Variants in MED13 observed in about 807,000 individuals in gnomAD.
MED13 encodes mediator complex subunit 13, also known as mediator of RNA polymerase II transcription subunit 13.
MED13 carries 23 observed loss-of-function variants against 225.2 expected under a neutral mutation model. The ratio of observed to expected loss-of-function variants is 0.10; its 90% CI spans 0.07 to 0.14. The LOEUF (loss-of-function observed/expected upper bound fraction) is 0.14. MED13 is among the 10% of genes least tolerant of loss of function. The pLI is 1.00. For missense variants in MED13, 2,197 were observed against 2,594.5 expected, an observed-to-expected ratio of 0.85 and a Z score of 3.33; for synonymous variants, 942 against 889.2, an observed-to-expected ratio of 1.06 and a Z score of -1.06.
Position 62,035,474 on chromosome 17 carries a change from C to A in MED13, c.605G>T (p.Ser202Ile). ...ATAAAATAATCTACCTTGAAATGGG[C>A]TATTAGACTGTTGAGCAAGGGTGAT... ...EHITLAQQSN[S>I]PFQVILCPFG... Residue 202 changes from serine (S) to isoleucine (I), a missense_variant, in exon 4 of 30, where the codon AGC becomes ATC. By Grantham distance (142) the Ser-to-Ile change is moderately radical (BLOSUM62 -2). Around this residue, in one of 12 missense-constraint regions of MED13, gnomAD observed 884 missense variants for 918.5 expected, o/e 0.96. Coordinates refer to ENST00000397786, the MANE Select transcript of MED13 (RefSeq NM_005121.3). The A allele has an allele frequency of 6.2e-7, 1 of 1,608,806 alleles. No homozygotes were observed. The highest frequency in any genetic ancestry group is 8.5e-7 in the Non-Finnish European group (1 of 1,177,564).
chr17:62,034,517 A>G (rs1436398647), intron 4 of MED13, among the ~76,000 whole-genome samples: 1 of 151,806 alleles, frequency 6.6e-6, no homozygotes, highest in Non-Finnish European at 1.5e-5. Flanking sequence ...TTGTCTGCCC[A>G]AACTCTTAAG....
intron 3 of MED13, among the ~76,000 whole-genome samples, chr17:62,039,179 C>T (rs555673484): frequency 6.6e-6 from 1 of 152,296 alleles, no homozygotes; most frequent in African/African-American, 2.4e-5. Context: ...GAATCACTAC[C>T]TCCTATACTG....
At chr17:61,985,356 G>T (rs1336346878) in intron 12 of MED13, among the ~76,000 whole-genome samples, 1 of 152,130 alleles carries the variant, frequency 6.6e-6, no homozygotes, top group East Asian at 1.9e-4. Context: ...ATACACAGAA[G>T]TAAGGTTAAC....
In MED13 at chr17:61,945,747, A is replaced by G. The variant is rs2079847343; in HGVS notation, c.*721T>C. ...TACATGTACTCTGCAACTACAGCTT[A>G]GCTGTAAATCCTCCACACACAATGG... On this transcript the variant is annotated 3_prime_UTR_variant, in exon 30 of 30. Coordinates refer to ENST00000397786, the MANE Select transcript of MED13 (RefSeq NM_005121.3). The G allele has an allele frequency of 6.6e-6, 1 of 152,646 alleles. No homozygotes were observed. The highest frequency in any genetic ancestry group is 1.5e-5 in the Non-Finnish European group (1 of 68,054). The allele number at this position is 152,646 out of a possible 1,614,324, so 9.5% of individuals were successfully genotyped here. A position where few individuals can be genotyped will look rare whatever the true frequency, so the allele number is the denominator to read the frequency against.
intron 9 of MED13, among the ~76,000 whole-genome samples, chr17:61,997,262 A>T (rs1239396127): frequency 6.6e-6 from 1 of 152,220 alleles, no homozygotes; most frequent in Non-Finnish European, 1.5e-5. Flanking sequence ...GCTCAAATAC[A>T]TATCATTATT....
Position 62,029,927 on chromosome 17 carries a change from T to G in MED13, c.1096A>C (p.Lys366Gln), listed in dbSNP as rs770939635. ...TGATTTGCTAATTTTCTGGGTATTT[T>G]CCCACCATGGTGGCTAGTACTATCG... Reference protein sequence around the residue: ...NSDSTSHHGGKIPRKLANHVV... With the variant: ...NSDSTSHHGGQIPRKLANHVV... The change falls in exon 7 of 30, where the codon AAA becomes CAA. Residue 366 changes from lysine to glutamine, a missense_variant. Coordinates refer to ENST00000397786, the MANE Select transcript of MED13 (RefSeq NM_005121.3). 1 of 1,614,090 alleles carries G rather than the reference T, an allele frequency of 6.2e-7. No homozygotes were observed. Among genetic ancestry groups the G allele is most frequent in the Admixed American group, 1.7e-5 (1 of 59,974 alleles).
chr17:61,988,230 C>T (rs1445235727), intron 11 of MED13, among the ~76,000 whole-genome samples: 1 of 152,100 alleles, frequency 6.6e-6, no homozygotes, highest in Non-Finnish European at 1.5e-5. Context: ...TAATGTGCTT[C>T]GCCCAGTACT....
chr17:62,000,954 G>C (rs991238806), intron 9 of MED13, among the ~76,000 whole-genome samples: 2 of 152,008 alleles, frequency 1.3e-5, no homozygotes, highest in Non-Finnish European at 2.9e-5. Context: ...AGTAGAGACA[G>C]GGTTTCACCA....
At chr17:62,024,851 C>G (rs537342305) in intron 8 of MED13, among the ~76,000 whole-genome samples, 10 of 152,234 alleles carry the variant, frequency 6.6e-5, no homozygotes, top group Admixed American at 6.5e-4. Context: ...CATGTTCCTG[C>G]AGAAGACATG....
At position 62,017,700 on chromosome 17, in the gene MED13, A is replaced by G. The variant is rs1341315060; in HGVS notation, c.1284-6467T>C. ...AGTAGTAGTCACTGCTTTCTCCACC[A>G]CCACACATTCAGTTTGTTGTTTTTT... is the stretch of plus-strand genomic sequence containing the variant. On this transcript the variant is annotated intron_variant, in intron 8 of 29. Coordinates refer to ENST00000397786, the MANE Select transcript of MED13 (RefSeq NM_005121.3). Among the ~76,000 whole-genome samples, 5 of 152,190 alleles carry G rather than the reference A, an allele frequency of 3.3e-5. No individual in the cohort carries two copies. In the South Asian group the frequency reaches 6.2e-4, roughly 19 times the overall value.
intron 16 of MED13, among the ~76,000 whole-genome samples, chr17:61,977,029 T>C (rs912374859): frequency 2.0e-5 from 3 of 152,376 alleles, no homozygotes; most frequent in Admixed American, 1.3e-4. Context: ...TCTTTCAAGA[T>C]GTTAAAACTA....
intron 9 of MED13, chr17:62,005,785 C>G (rs1396764130): frequency 2.6e-5 from 4 of 152,350 alleles, no homozygotes; most frequent in Admixed American, 2.6e-4. Context: ...TGGCTATTCA[C>G]AGGTGCAATC....
At chr17:62,039,330 T>C (rs907800913) in intron 3 of MED13, among the ~76,000 whole-genome samples, 17 of 152,224 alleles carry the variant, frequency 1.1e-4, no homozygotes, top group African/African-American at 3.9e-4. Context: ...TTGCCCAAGA[T>C]GGAGTGCAGT....
intron 8 of MED13, among the ~76,000 whole-genome samples, chr17:62,014,026 G>A (rs368745446): frequency 1.3e-5 from 2 of 151,952 alleles, no homozygotes; most frequent in South Asian, 2.1e-4. Context: ...GCGACATAGC[G>A]AGACTCTGTC....
rs2080229403 is a variant in MED13 at position 61,984,250 on chromosome 17, A to G, written c.2809T>C (p.Cys937Arg). 1 of 1,611,446 alleles carries G rather than the reference A, an allele frequency of 6.2e-7. No homozygotes were observed. Among genetic ancestry groups the G allele is most frequent in the Non-Finnish European group, 8.5e-7 (1 of 1,179,062 alleles). The change falls in exon 15 of 30, where the codon TGT becomes CGT. Residue 937 changes from cysteine (C) to arginine (R), a missense_variant. Physicochemically the swap from Cys to Arg is radical, Grantham distance 180. Coordinates refer to ENST00000397786, the MANE Select transcript of MED13 (RefSeq NM_005121.3). ...ACAGTCCAACTCTGACGGTAAATAC[A>G]CTCTTCTGGCAATTTGATAGGGGGC... ...YLPPIKLPEE[C>R]IYRQSWTVGK...
intron 10 of MED13, among the ~76,000 whole-genome samples, chr17:61,993,948 C>A (rs1487391018): frequency 4.6e-4 from 66 of 144,860 alleles, no homozygotes; most frequent in African/African-American, 5.7e-4. Flanking sequence ...AACAAACAAA[C>A]AAAAAAAAAA....
chr17:61,947,566 C>T (rs185243153), intron 28 of MED13, among the ~76,000 whole-genome samples: 20 of 152,266 alleles, frequency 1.3e-4, no homozygotes, highest in African/African-American at 4.8e-4. Flanking sequence ...GACATACCTA[C>T]GTCTAGCACT....
chr17:61,972,630 T>A, intron 17 of MED13, 97 bp downstream of exon 17: 1 of 1,163,856 alleles, frequency 8.6e-7, no homozygotes, highest in Non-Finnish European at 1.2e-6. Context: ...ATATCACAAA[T>A]ATATTTAAAG....
At chr17:61,975,514 T>C (rs941057533) in intron 16 of MED13, among the ~76,000 whole-genome samples, 20 of 152,158 alleles carry the variant, frequency 1.3e-4, no homozygotes, top group African/African-American at 3.9e-4. Flanking sequence ...CTGGTAGTTA[T>C]GTAAAATGGT....
Sources: gnomAD v4.1 joint callset for allele counts (sites outside exome capture counted in the v4.1 genomes callset) on GRCh38, gnomAD v4.1.1 for gene constraint, gnomAD v4.1.1 regional missense constraint, MANE v1.5 for transcripts, NCBI Gene and HGNC (gene_info 2026-07-23, HGNC 2026-07-21) for gene names.